TTLL9: variants seen among roughly 807,000 people sequenced by gnomAD.
The protein encoded by TTLL9 is tubulin tyrosine ligase like 9.
TTLL9 carries 47 observed loss-of-function variants against 65.6 expected under a neutral mutation model. The ratio of observed to expected loss-of-function variants is 0.72; its 90% confidence interval spans 0.57 to 0.91. The LOEUF is 0.91. Among genes scored for constraint, TTLL9 ranks in the 40% least tolerant of loss-of-function variants. TTLL9 has a pLI of 0.00. For missense variants in TTLL9, 537 were observed against 568.8 expected (o/e 0.94, Z 0.57); for synonymous variants, 179 against 204.8 (o/e 0.87, Z 1.07).
intron 9 of TTLL9, 120 bp downstream of exon 9, chr20:31,925,169 G>C: frequency 9.3e-7 from 1 of 1,078,574 alleles, no homozygotes; most frequent in East Asian, 2.5e-5. Flanking sequence ...ATCTCTCCCT[G>C]GGAGATCCCC....
chr20:31,923,080 C>T (rs2063837206), intron 8 of TTLL9, 27 bp downstream of exon 8: 2 of 1,539,534 alleles, frequency 1.3e-6, no homozygotes, highest in East Asian at 4.5e-5. Flanking sequence ...TGCTCCTGCT[C>T]TTCCATTGCA....
At position 31,908,603 on chromosome 20, in the gene TTLL9, G is replaced by A; in HGVS notation, c.219G>A (p.Trp73Ter). Residue 73 changes from tryptophan to a stop codon, truncating the protein, a stop_gained, in exon 5 of 15, where the codon TGG (tryptophan) becomes TGA (stop). Coordinates refer to ENST00000535842, the MANE Select transcript of TTLL9 (RefSeq NM_001008409.5). LOFTEE classifies it high-confidence loss of function. ...GWVEVKDEGE[W>*]DFYWCDVSWL... is the part of the protein sequence containing the mutation. Reference sequence around the variant, plus strand: ...ACCCCACCCCCAGCGAAGGGGAGTGGGATTTCTACTGGTGTGACGTCAGCT... The same window carrying A: ...ACCCCACCCCCAGCGAAGGGGAGTGAGATTTCTACTGGTGTGACGTCAGCT... 1 of 1,614,014 alleles carries A rather than the reference G, an allele frequency of 6.2e-7. No homozygotes were observed. Among genetic ancestry groups the A allele is most frequent in the Non-Finnish European group, 8.5e-7 (1 of 1,179,930 alleles).
intron 12 of TTLL9, 31 bp from the exon 13 acceptor site, chr20:31,937,365 C>T: frequency 1.9e-6 from 3 of 1,570,258 alleles, no homozygotes; most frequent in South Asian, 2.2e-5. Context: ...ACCGAGTAAC[C>T]CTAAGACTCT....
chr20:31,878,593 A>G (rs1000996121), intron 2 of TTLL9, among the ~76,000 whole-genome samples: 1 of 152,226 alleles, frequency 6.6e-6, no homozygotes. Flanking sequence ...TGGCACCCCA[A>G]TCAAAGTTTC....
rs2123668726 is a variant in TTLL9, at chr20:31,943,862, C to CT, written c.*845dup. The CT allele has an allele frequency of 2.2e-6, 1 of 456,384 alleles. No individual in the cohort carries two copies. The highest frequency in any genetic ancestry group is 2.0e-5 in the African/African-American group (1 of 50,172). The allele number at this position is 456,384 out of a possible 1,614,324, so 28.3% of individuals were successfully genotyped here. On this transcript the variant is annotated 3_prime_UTR_variant, in exon 15 of 15. Transcript: ENST00000535842. ...GAGTTGAGTGTGAGTAAAAATCTGC[C>CT]TTTTCACATCTTACATTGCTAAGCT... is the stretch of plus-strand genomic sequence containing the variant.
chr20:31,870,722 A>C lies in TTLL9; in HGVS notation c.-233A>C. 1 of 638,214 alleles carries C rather than the reference A, an allele frequency of 1.6e-6. No homozygotes were observed. Among genetic ancestry groups the C allele is most frequent in the Non-Finnish European group, 2.3e-6 (1 of 434,546 alleles). The allele number at this position is 638,214 out of a possible 1,614,324, so 39.5% of individuals were successfully genotyped here. On this transcript the variant is annotated 5_prime_UTR_variant, in exon 1 of 15. Transcript: ENST00000535842. The surrounding 1 kb of genome is among the most constrained non-coding windows in gnomAD (Gnocchi z 6.6). ...CTCCGGAGGTGGGGGCGGGGGCCTTACCCCACCCTGGCACCGGCAGGCGCG... is the reference window on the plus strand; with the variant it reads ...CTCCGGAGGTGGGGGCGGGGGCCTTCCCCCACCCTGGCACCGGCAGGCGCG...
At chr20:31,924,746 G>A (rs1474408367) in intron 8 of TTLL9, among the ~76,000 whole-genome samples, 1 of 152,002 alleles carries the variant, frequency 6.6e-6, no homozygotes, top group Non-Finnish European at 1.5e-5. Flanking sequence ...ACCATGCGAG[G>A]CTAATTTTTT....
rs774247125 is a variant in TTLL9, at chr20:31,908,658, A to G, written c.274A>G (p.Met92Val). The G allele has an allele frequency of 7.4e-6, 12 of 1,613,724 alleles. No individual in the cohort carries two copies. The highest frequency in any genetic ancestry group is 3.3e-4 in the Middle Eastern group (2 of 6,084). The change falls in exon 5 of 15, where the codon ATG becomes GTG. Residue 92 changes from methionine (M) to valine (V), a missense_variant. Physicochemically the swap from Met to Val is conservative, Grantham distance 21. Transcript: ENST00000535842. ...WLRENFDHTY[M>V]DEHVRISHFR... Reference sequence around the variant, plus strand: ...CCGGGAGAACTTCGACCACACCTACATGGATGAACATGTGCGGATCAGTCA... The same window carrying G: ...CCGGGAGAACTTCGACCACACCTACGTGGATGAACATGTGCGGATCAGTCA...
rs1464426337 is a variant in TTLL9, at chr20:31,943,769, TTG to T, written c.*752_*753del. On this transcript the variant is annotated 3_prime_UTR_variant, in exon 15 of 15. Transcript: ENST00000535842. The stretch of plus-strand genomic sequence containing the variant: ...GGTGACTTAAGTGCTTCTCTAGGCC[TTG>T]TGTTTGAGATTGGGAGCTGAGCCAG... 1 of 456,690 alleles carries T rather than the reference TTG, an allele frequency of 2.2e-6. No individual in the cohort carries two copies. The highest frequency in any genetic ancestry group is 1.5e-5 in the South Asian group (1 of 64,562). The allele number at this position is 456,690 out of a possible 1,614,324, so 28.3% of individuals were successfully genotyped here. A position where few individuals can be genotyped will look rare whatever the true frequency, so the allele number is the denominator to read the frequency against.
rs2064294820 is a variant in TTLL9, at chr20:31,944,796, A to T, written c.*1775A>T. 1 of 152,104 alleles carries T rather than the reference A, an allele frequency of 6.6e-6. No individual in the cohort carries two copies. The highest frequency in any genetic ancestry group is 2.4e-5 in the African/African-American group (1 of 41,374). The allele number at this position is 152,104 out of a possible 1,614,324, so 9.4% of individuals were successfully genotyped here. On this transcript the variant is annotated 3_prime_UTR_variant, in exon 15 of 15. Coordinates refer to ENST00000535842, the MANE Select transcript of TTLL9 (RefSeq NM_001008409.5). ...TGAGCCAGAGCCAAGGAGCGGGGGG[A>T]CCAGGAGAGGTGTGCCCCTGCCATG...
At chr20:31,897,714 CG>C (rs1345293194) in intron 3 of TTLL9, among the ~76,000 whole-genome samples, 2 of 151,912 alleles carry the variant, frequency 1.3e-5, no homozygotes, top group Non-Finnish European at 2.9e-5. Flanking sequence ...CAGCACCGAG[CG>C]GGGGTGTTGG....
chr20:31,926,507 GCA>G (rs140471946), intron 10 of TTLL9, among the ~76,000 whole-genome samples: 11,631 of 152,262 alleles, frequency 0.076, 443 homozygotes, highest in Middle Eastern at 0.21. Flanking sequence ...AAAGACAAAT[GCA>G]CACATGCCCT....
intron 13 of TTLL9, 134 bp from the exon 14 acceptor site, chr20:31,939,008 A>G: frequency 1.8e-6 from 2 of 1,085,510 alleles, no homozygotes; most frequent in Non-Finnish European, 2.5e-6. Context: ...GAAACAGCCA[A>G]TGAATGGTTG....
intron 2 of TTLL9, among the ~76,000 whole-genome samples, chr20:31,875,311 A>G (rs12480063): frequency 0.11 from 17,027 of 152,218 alleles, 1,057 homozygotes; most frequent in Middle Eastern, 0.23. Flanking sequence ...ACTGGAACAC[A>G]GTACATTATT....
chr20:31,871,583 G>T (rs1407890464), intron 2 of TTLL9, among the ~76,000 whole-genome samples: 1 of 152,190 alleles, frequency 6.6e-6, no homozygotes, highest in African/African-American at 2.4e-5. Context: ...AGAATCCACA[G>T]AGCCCTTTGA....
At position 31,894,127 on chromosome 20, in the gene TTLL9, A is replaced by AG. The variant is rs1230054354; in HGVS notation, c.114-4343dup. ...TTTTTTTTTTTTTTTTTTTTGAGAC[A>AG]GGGTCTTGCTCTGTCACACAGGCTG... On this transcript the variant is annotated intron_variant, in intron 3 of 14. Transcript: ENST00000535842. Among the ~76,000 whole-genome samples, 7 of 119,896 alleles carry AG rather than the reference A, an allele frequency of 5.8e-5. No homozygotes were observed. The Admixed American group carries it at 6.2e-4, about 11-fold the overall frequency. The allele number at this position is 119,896 out of a possible 152,430, so 78.7% of individuals were successfully genotyped here. A position where few individuals can be genotyped will look rare whatever the true frequency, so the allele number is the denominator to read the frequency against.
At chr20:31,919,992 G>A (rs1273836761) in intron 7 of TTLL9, 60 bp downstream of exon 7, 3 of 1,411,290 alleles carry the variant, frequency 2.1e-6, no homozygotes, top group Non-Finnish European at 2.8e-6. Flanking sequence ...CAGCAGGAGG[G>A]GCCACTCCTT....
rs543058251 is a variant in TTLL9, at chr20:31,906,576, A to G, written c.207-2015A>G. Among the ~76,000 whole-genome samples, 17 of 152,236 alleles carry G rather than the reference A, an allele frequency of 1.1e-4. No individual in the cohort carries two copies. The South Asian group carries it at 1.5e-3, about 13-fold the overall frequency. ...CATTTCTGCCTCAGACCTCCTCCAG[A>G]TGTCTTTTAAAACTCAGCCTACTTG... On this transcript the variant is annotated intron_variant, in intron 4 of 14. Coordinates refer to ENST00000535842, the MANE Select transcript of TTLL9 (RefSeq NM_001008409.5).
intron 6 of TTLL9, among the ~76,000 whole-genome samples, chr20:31,918,235 T>C (rs1266795211): frequency 6.6e-6 from 1 of 152,122 alleles, no homozygotes; most frequent in Non-Finnish European, 1.5e-5. Flanking sequence ...TTCCTTGAAA[T>C]GCATGAGGCC....
Sources: gnomAD v4.1 joint callset for allele counts (sites outside exome capture counted in the v4.1 genomes callset) on GRCh38, gnomAD v4.1.1 for gene constraint, Gnocchi (gnomAD v3.1) non-coding constraint, MANE v1.5 for transcripts, NCBI Gene and HGNC (gene_info 2026-07-23, HGNC 2026-07-21) for gene names.